TMCC1: variants seen among roughly 807,000 people sequenced by gnomAD.
TMCC1 encodes transmembrane and coiled-coil domain family 1.
A neutral mutation model predicts 52.4 loss-of-function variants in TMCC1; 15 were observed. That is an observed-to-expected ratio of 0.29 (90% CI 0.19 to 0.44). The LOEUF (loss-of-function observed/expected upper bound fraction) is 0.44. Among genes scored for constraint, TMCC1 ranks in the 20% least tolerant of loss-of-function variants. The pLI is 1.00. For missense variants in TMCC1, 503 were observed against 806.0 expected, an observed-to-expected ratio of 0.62 and a Z score of 4.55; for synonymous variants, 279 against 301.9, an observed-to-expected ratio of 0.92 and a Z score of 0.79.
intron 2 of TMCC1, among the ~76,000 whole-genome samples, chr3:129,834,975 G>T (rs181553966): frequency 1.3e-5 from 2 of 152,156 alleles, no homozygotes; most frequent in Non-Finnish European, 2.9e-5. Flanking sequence ...CTAGACGGTT[G>T]TGAGAGCTAT....
chr3:129,759,181 C>T (rs1188302648), intron 4 of TMCC1, among the ~76,000 whole-genome samples: 2 of 152,076 alleles, frequency 1.3e-5, no homozygotes, highest in Non-Finnish European at 2.9e-5. Flanking sequence ...AAAGCAAGCC[C>T]TACTATTCTT....
intron 4 of TMCC1, among the ~76,000 whole-genome samples, chr3:129,798,017 C>T (rs1344428765): frequency 5.3e-5 from 7 of 131,388 alleles, no homozygotes; most frequent in Non-Finnish European, 9.5e-5. Flanking sequence ...TTTTTTGAGA[C>T]GAAGTCTCGC....
chr3:129,739,456 C>T (rs780020881), intron 4 of TMCC1, among the ~76,000 whole-genome samples: 14 of 152,168 alleles, frequency 9.2e-5, no homozygotes, highest in Non-Finnish European at 1.6e-4. Flanking sequence ...AGCCACTGCG[C>T]CTGGCCCACA....
intron 4 of TMCC1, among the ~76,000 whole-genome samples, chr3:129,682,958 C>T (rs1005778577): frequency 1.2e-4 from 18 of 152,246 alleles, no homozygotes; most frequent in African/African-American, 4.3e-4. Flanking sequence ...GCCTCAGACT[C>T]CTGAGTAGCT....
At chr3:129,664,175 C>T (rs1448721152) in intron 5 of TMCC1, among the ~76,000 whole-genome samples, 1 of 152,032 alleles carries the variant, frequency 6.6e-6, no homozygotes, top group Non-Finnish European at 1.5e-5. Context: ...GATTCAGTAC[C>T]CTCAGTTTCT....
intron 4 of TMCC1, among the ~76,000 whole-genome samples, chr3:129,712,807 G>C (rs1315511439): frequency 6.6e-6 from 1 of 151,998 alleles, no homozygotes; most frequent in African/African-American, 2.4e-5. Flanking sequence ...TCTGAGTATT[G>C]TGAAATCTAA....
intron 3 of TMCC1, among the ~76,000 whole-genome samples, chr3:129,829,984 A>T (rs1484372340): frequency 2.0e-5 from 3 of 152,194 alleles, no homozygotes; most frequent in Non-Finnish European, 4.4e-5. Context: ...AGAGGAGCAT[A>T]AACAGGGAGA....
chr3:129,782,406 G>A (rs961103089), intron 4 of TMCC1, among the ~76,000 whole-genome samples: 1 of 152,026 alleles, frequency 6.6e-6, no homozygotes, highest in African/African-American at 2.4e-5. Flanking sequence ...CACTGAGGAG[G>A]GAAAGATCAA....
intron 4 of TMCC1, among the ~76,000 whole-genome samples, chr3:129,729,445 A>G (rs2050370376): frequency 6.6e-6 from 1 of 152,212 alleles, no homozygotes; most frequent in Non-Finnish European, 1.5e-5. Flanking sequence ...CATGTATTAT[A>G]TAGGGTTTAA....
chr3:129,843,136 G>A (rs2059498132), intron 2 of TMCC1, among the ~76,000 whole-genome samples: 2 of 152,102 alleles, frequency 1.3e-5, no homozygotes, highest in Admixed American at 1.3e-4. Flanking sequence ...CACGAGGTCA[G>A]GAGATCGAGA....
At chr3:129,875,178 T>C (rs968370387) in intron 2 of TMCC1, among the ~76,000 whole-genome samples, 2 of 150,878 alleles carry the variant, frequency 1.3e-5, no homozygotes, top group Non-Finnish European at 3.0e-5. Context: ...TACAGCAAGA[T>C]TCCATTGCTA....
intron 4 of TMCC1, among the ~76,000 whole-genome samples, chr3:129,791,100 T>C (rs1351311088): frequency 1.4e-5 from 2 of 147,614 alleles, no homozygotes; most frequent in Non-Finnish European, 3.0e-5. Flanking sequence ...TTTTTTTTTT[T>C]TTTTTTTTTT....
At chr3:129,879,995 A>C (rs1179746048) in intron 2 of TMCC1, among the ~76,000 whole-genome samples, 5 of 152,198 alleles carry the variant, frequency 3.3e-5, no homozygotes, top group Non-Finnish European at 7.3e-5. Flanking sequence ...CAATACAGCA[A>C]GACTCTGTCT....
chr3:129,847,450 G>A (rs751823777), intron 2 of TMCC1: 4 of 152,114 alleles, frequency 2.6e-5, no homozygotes, highest in Non-Finnish European at 5.9e-5. Context: ...TCTTAAGTTT[G>A]GCTTCATTCA....
At chr3:129,723,612 C>T (rs1029520421) in intron 4 of TMCC1, among the ~76,000 whole-genome samples, 8 of 152,074 alleles carry the variant, frequency 5.3e-5, no homozygotes, top group Admixed American at 2.0e-4. Flanking sequence ...TGAAGCAGCC[C>T]ATTACACACA....
chr3:129,836,684 T>C lies in TMCC1; in HGVS notation c.-183-3858A>G, dbSNP rs1024647737. Reference sequence around the variant, plus strand: ...ACCAAAGGAAACAGTCCCAAGAGCATGGAAGAATCCCAGTGCAGATAGGAA... The same window carrying C: ...ACCAAAGGAAACAGTCCCAAGAGCACGGAAGAATCCCAGTGCAGATAGGAA... On this transcript the variant is annotated intron_variant, in intron 2 of 6. Coordinates refer to ENST00000393238, the MANE Select transcript of TMCC1 (RefSeq NM_001017395.5). 2.6e-5 allele frequency among the ~76,000 whole-genome samples: 4 copies of C among 152,190 alleles called. No homozygotes were observed. In the East Asian group the frequency reaches 5.8e-4, roughly 22 times the overall value.
intron 2 of TMCC1, among the ~76,000 whole-genome samples, chr3:129,841,975 G>T (rs1436228755): frequency 6.6e-6 from 1 of 152,120 alleles, no homozygotes; most frequent in Non-Finnish European, 1.5e-5. Context: ...TTATAGCATT[G>T]TGAAAACAAA....
chr3:129,705,139 T>C (rs1378965301), intron 4 of TMCC1, among the ~76,000 whole-genome samples: 1 of 152,200 alleles, frequency 6.6e-6, no homozygotes, highest in Non-Finnish European at 1.5e-5. Context: ...GCAAATGGCA[T>C]CAGGGTACTA....
At chr3:129,867,769 A>T (rs1325650400) in intron 2 of TMCC1, among the ~76,000 whole-genome samples, 1 of 152,236 alleles carries the variant, frequency 6.6e-6, no homozygotes, top group Non-Finnish European at 1.5e-5. Flanking sequence ...CATAGTAGAA[A>T]TAAGTTTTTA....
Sources: gnomAD v4.1 joint callset for allele counts (sites outside exome capture counted in the v4.1 genomes callset) on GRCh38, gnomAD v4.1.1 for gene constraint, MANE v1.5 for transcripts, NCBI Gene and HGNC (gene_info 2026-07-23, HGNC 2026-07-21) for gene names.